Variants in METTL15 observed in about 807,000 individuals in gnomAD.
METTL15 encodes methyltransferase 15, mitochondrial 12S rRNA N4-cytidine, also known as 12S rRNA N(4)-cytidine methyltransferase METTL15.
Under a neutral mutation model 38.3 loss-of-function variants are expected in METTL15, and 34 were observed. The ratio of observed to expected loss-of-function variants is 0.89; its 90% CI spans 0.68 to 1.18. METTL15 has a LOEUF of 1.18. Ranked by LOEUF, METTL15 falls within the 50% of genes most tolerant of loss-of-function variation. The pLI, the probability that METTL15 is intolerant of heterozygous loss-of-function variation, is 0.00. For missense variants in METTL15, 438 were observed against 498.4 expected (o/e 0.88, Z 1.15); for synonymous variants, 162 against 170.9 (o/e 0.95, Z 0.41).
At chr11:28,323,163 A>T (rs550169631) in intron 6 of METTL15, among the ~76,000 whole-genome samples, 11 of 152,254 alleles carry the variant, frequency 7.2e-5, no homozygotes, top group African/African-American at 2.6e-4. Flanking sequence ...TATTGACTTC[A>T]TATACAAATG....
intron 6 of METTL15, among the ~76,000 whole-genome samples, chr11:28,308,872 T>TTAGATAGATAGGTAGGTAGGTAGATAGA (rs1857170222): frequency 6.9e-6 from 1 of 144,500 alleles, no homozygotes; most frequent in African/African-American, 2.6e-5. Context: ...GAAAGAAAGA[T>TTAGATAGATAGGTAGGTAGGTAGATAGA]TAGATAGATA....
chr11:28,430,853 G>T (rs1850917832), intron 6 of METTL15, among the ~76,000 whole-genome samples: 1 of 107,790 alleles, frequency 9.3e-6, no homozygotes, highest in African/African-American at 3.4e-5. Context: ...GAGGGAGGTG[G>T]GGGGGGTCAG....
rs774474333 is a variant in METTL15 at position 28,121,906 on chromosome 11, C to T, written c.270+8302C>T. Among the ~76,000 whole-genome samples, 5 of 152,040 alleles carry T rather than the reference C, an allele frequency of 3.3e-5. No individual in the cohort carries two copies. The South Asian group carries it at 8.3e-4, about 25-fold the overall frequency. On this transcript the variant is annotated intron_variant, in intron 3 of 6. Coordinates refer to ENST00000407364, the MANE Select transcript of METTL15 (RefSeq NM_001113528.2). ...AGCATTTATAGGTAACTCGCACTGC[C>T]TGGCAATGTGATGAATATTTTGCAT...
chr11:28,355,393 G>A (rs758184859), intron 4 of METTL15, among the ~76,000 whole-genome samples: 30 of 152,146 alleles, frequency 2.0e-4, no homozygotes, highest in Non-Finnish European at 3.5e-4. Flanking sequence ...GTTAATAGTA[G>A]TTCTGCAAAG....
At chr11:28,509,461 CGTT>C (rs1410660442) in intron 6 of METTL15, among the ~76,000 whole-genome samples, 1 of 150,616 alleles carries the variant, frequency 6.6e-6, no homozygotes, top group African/African-American at 2.5e-5. Flanking sequence ...GCTTTCCTCT[CGTT>C]GCACTAAGTC....
rs1849667446 is a variant in METTL15, at chr11:28,140,679, G to A, written c.270+27075G>A. On this transcript the variant is annotated intron_variant, in intron 3 of 6. Transcript: ENST00000407364. ...GAGTGAGTGGAGTAGAATTTATTAG[G>A]TGAAAAGGAAAGCTCTCAGCAAAAA... Among the ~76,000 whole-genome samples, 3 of 152,154 alleles carry A rather than the reference G, an allele frequency of 2.0e-5. No homozygotes were observed. The South Asian group carries it at 6.2e-4, about 32-fold the overall frequency.
intron 6 of METTL15, among the ~76,000 whole-genome samples, chr11:28,473,514 T>C (rs1213482564): frequency 6.6e-6 from 1 of 152,160 alleles, no homozygotes; most frequent in Non-Finnish European, 1.5e-5. Flanking sequence ...GTGGCCATGC[T>C]TGGCTCCTGC....
intron 4 of METTL15, among the ~76,000 whole-genome samples, chr11:28,352,656 A>G (rs961315101): frequency 2.6e-5 from 4 of 152,056 alleles, no homozygotes; most frequent in Admixed American, 2.0e-4. Context: ...GAACTCTTCT[A>G]TCTCAGATTC....
intron 6 of METTL15, among the ~76,000 whole-genome samples, chr11:28,452,458 G>T (rs1269999611): frequency 1.3e-5 from 2 of 152,110 alleles, no homozygotes; most frequent in Non-Finnish European, 2.9e-5. Flanking sequence ...TATACCTAAA[G>T]TGGTTTACTT....
intron 4 of METTL15, among the ~76,000 whole-genome samples, chr11:28,224,320 C>T (rs1264459732): frequency 6.6e-6 from 1 of 151,808 alleles, no homozygotes; most frequent in African/African-American, 2.4e-5. Flanking sequence ...TGCATAACTG[C>T]ATTTTAAAGA....
At chr11:28,525,639 CTAG>C (rs771225387) in intron 6 of METTL15, among the ~76,000 whole-genome samples, 27 of 152,230 alleles carry the variant, frequency 1.8e-4, no homozygotes, top group Non-Finnish European at 3.4e-4. Flanking sequence ...AAACCTTGAG[CTAG>C]ATACAGAGTG....
intron 5 of METTL15, among the ~76,000 whole-genome samples, chr11:28,370,758 T>A (rs1451261572): frequency 1.3e-5 from 2 of 152,034 alleles, no homozygotes; most frequent in Admixed American, 6.6e-5. Flanking sequence ...TTAACTACTG[T>A]GAAATGAGAT....
intron 6 of METTL15, among the ~76,000 whole-genome samples, chr11:28,318,103 G>A (rs1857542555): frequency 6.6e-6 from 1 of 152,236 alleles, no homozygotes; most frequent in Middle Eastern, 3.4e-3. Flanking sequence ...GCATAAAATT[G>A]CATGTACATG....
At chr11:28,499,437 T>C (rs911392010) in intron 6 of METTL15, among the ~76,000 whole-genome samples, 2 of 152,238 alleles carry the variant, frequency 1.3e-5, no homozygotes, top group Non-Finnish European at 2.9e-5. Flanking sequence ...ATATTAGATA[T>C]GCTTAAGAAA....
chr11:28,256,535 G>T (rs1238653213), intron 4 of METTL15, among the ~76,000 whole-genome samples: 1 of 151,968 alleles, frequency 6.6e-6, no homozygotes, highest in Admixed American at 6.6e-5. Flanking sequence ...GATTTCTGTT[G>T]TATCAGTTAT....
At chr11:28,525,040 G>T (rs916755384) in intron 6 of METTL15, among the ~76,000 whole-genome samples, 6 of 152,092 alleles carry the variant, frequency 3.9e-5, no homozygotes, top group South Asian at 4.2e-4. Flanking sequence ...GTCTGGAGTT[G>T]CTCGTTCCTC....
intron 6 of METTL15, among the ~76,000 whole-genome samples, chr11:28,441,644 T>C (rs1387474103): frequency 6.6e-6 from 1 of 152,210 alleles, no homozygotes; most frequent in Non-Finnish European, 1.5e-5. Flanking sequence ...ACGACAACAA[T>C]AGATTTTCAT....
downstream of METTL15, among the ~76,000 whole-genome samples, chr11:28,528,798 G>C (rs1851828303): frequency 6.6e-6 from 1 of 152,150 alleles, no homozygotes; most frequent in Non-Finnish European, 1.5e-5. Context: ...TGGCTTAACT[G>C]AGCACTCTTT....
At chr11:28,472,376 T>C (rs1851310741) in intron 6 of METTL15, among the ~76,000 whole-genome samples, 4 of 152,142 alleles carry the variant, frequency 2.6e-5, no homozygotes, top group Admixed American at 2.6e-4. Flanking sequence ...TCCCTATCTT[T>C]TAGGGGCTCA....
Sources: allele counts gnomAD v4.1 joint callset (sites outside exome capture counted in the v4.1 genomes callset), GRCh38; gene constraint gnomAD v4.1.1; transcripts MANE v1.5; gene names NCBI Gene and HGNC (gene_info 2026-07-23, HGNC 2026-07-21).